Variants in WIPI2 observed in about 807,000 individuals in gnomAD.
The protein encoded by WIPI2 is WD repeat domain phosphoinositide-interacting protein 2.
In WIPI2, 28 loss-of-function variants were observed where a neutral mutation model predicts 52.3. The ratio of observed to expected loss-of-function variants is 0.54; its 90% CI spans 0.40 to 0.73. The LOEUF (loss-of-function observed/expected upper bound fraction) is 0.73. Among genes scored for constraint, WIPI2 ranks in the 30% least tolerant of loss-of-function variants. WIPI2 has a pLI of 0.00. For synonymous variants in WIPI2, 268 were observed against 245.0 expected (o/e 1.09, Z -0.88); for missense variants, 506 against 602.9 (o/e 0.84, Z 1.68).
chr7:5,217,238 G>GA, intron 6 of WIPI2, 51 bp downstream of exon 6: 1 of 1,586,806 alleles, frequency 6.3e-7, no homozygotes, highest in Non-Finnish European at 8.6e-7. Flanking sequence ...GCTTTTTCCT[G>GA]AAGAGGAGCA....
At chr7:5,191,495 A>G (rs1417052250) in intron 1 of WIPI2, among the ~76,000 whole-genome samples, 2 of 152,124 alleles carry the variant, frequency 1.3e-5, no homozygotes, top group Admixed American at 1.3e-4. Context: ...AGGGCAAGAG[A>G]AGGCCTTAAT....
chr7:5,221,609 G>A (rs978591866), intron 7 of WIPI2, among the ~76,000 whole-genome samples: 3 of 152,036 alleles, frequency 2.0e-5, no homozygotes, highest in Non-Finnish European at 4.4e-5. Flanking sequence ...TTTTCTTGGC[G>A]CTTCTCTGTT....
intron 3 of WIPI2, among the ~76,000 whole-genome samples, chr7:5,207,569 A>G (rs999565693): frequency 2.0e-5 from 3 of 152,148 alleles, no homozygotes; most frequent in Admixed American, 6.6e-5. Context: ...GCTATTATGA[A>G]CAAAGCTACC....
At chr7:5,206,951 G>A (rs907042337) in intron 3 of WIPI2, among the ~76,000 whole-genome samples, 11 of 151,974 alleles carry the variant, frequency 7.2e-5, no homozygotes, top group African/African-American at 2.7e-4. Flanking sequence ...CTAATTTTTC[G>A]ATTTTTTTGT....
At chr7:5,217,833 G>T in intron 6 of WIPI2, 89 bp from the exon 7 acceptor site, 1 of 1,261,250 alleles carries the variant, frequency 7.9e-7, no homozygotes, top group Non-Finnish European at 1.2e-6. Context: ...TTTAGGAACA[G>T]CTAATTGGCA....
At position 5,208,724 on chromosome 7, in the gene WIPI2, C is replaced by A. The variant is rs574832139; in HGVS notation, c.212-5811C>A. ...GCTTTGGTGCTTTACAGTCCTGTGA[C>A]CTGTGAGTCTGTTTCTGGACTCTTT... On this transcript the variant is annotated intron_variant, in intron 3 of 12. Coordinates refer to ENST00000288828, the MANE Select transcript of WIPI2 (RefSeq NM_015610.4). Among the ~76,000 whole-genome samples, 4 of 152,222 alleles carry A rather than the reference C, an allele frequency of 2.6e-5. No homozygotes were observed. The East Asian group carries it at 7.7e-4, about 29-fold the overall frequency.
At chr7:5,229,047 A>T (rs2115324100) in intron 11 of WIPI2, among the ~76,000 whole-genome samples, 1 of 147,146 alleles carries the variant, frequency 6.8e-6, no homozygotes, top group Non-Finnish European at 1.5e-5. Flanking sequence ...ATGGAGTCTC[A>T]CTCTGTCACC....
At chr7:5,223,467 A>C (rs1233364905) in intron 8 of WIPI2, among the ~76,000 whole-genome samples, 2 of 152,092 alleles carry the variant, frequency 1.3e-5, no homozygotes, top group African/African-American at 2.4e-5. Context: ...CAGTATCCCC[A>C]AACGTCACCG....
intron 1 of WIPI2, among the ~76,000 whole-genome samples, chr7:5,191,206 G>T (rs1282423535): frequency 6.6e-6 from 1 of 152,052 alleles, no homozygotes; most frequent in African/African-American, 2.4e-5. Flanking sequence ...ATTTGTAGTA[G>T]AGACAGGGTT....
chr7:5,207,014 A>G (rs1344476913), intron 3 of WIPI2, among the ~76,000 whole-genome samples: 3 of 152,280 alleles, frequency 2.0e-5, no homozygotes, highest in African/African-American at 7.2e-5. Flanking sequence ...CCTGGGCTCA[A>G]GTGATCCACA....
rs1783653464 is a variant in WIPI2 at position 5,230,038 on chromosome 7, G to A, written c.1252+300G>A. On this transcript the variant is annotated intron_variant, in intron 12 of 12. Transcript: ENST00000288828. The surrounding 1 kb of genome is among the most constrained non-coding windows in gnomAD (Gnocchi z 4.8). ...TTCTCCCGCCTCAGCCTCCCACAGT[G>A]CTGGGATTATAGGCATGAGCCACCG... is the stretch of plus-strand genomic sequence containing the variant. 6.6e-6 allele frequency among the ~76,000 whole-genome samples: 1 copy of A among 151,294 alleles called. No individual in the cohort carries two copies. Among genetic ancestry groups the A allele is most frequent in the African/African-American group, 2.4e-5 (1 of 41,102 alleles).
intron 11 of WIPI2, among the ~76,000 whole-genome samples, 186 bp downstream of exon 11, chr7:5,228,397 CAG>C (rs1340017065): frequency 1.6e-4 from 24 of 152,386 alleles, no homozygotes; most frequent in East Asian, 7.7e-4. Context: ...CGCCGCAAGA[CAG>C]GGAGCCCCGG....
intron 6 of WIPI2, 44 bp from the exon 7 acceptor site, chr7:5,217,878 G>T: frequency 1.3e-6 from 2 of 1,599,044 alleles, no homozygotes; most frequent in South Asian, 1.1e-5. Flanking sequence ...GGGCGTGGGC[G>T]GTCACTGTGC....
chr7:5,218,330 G>A (rs918823851), intron 7 of WIPI2: 14 of 257,164 alleles, frequency 5.4e-5, no homozygotes, highest in African/African-American at 2.9e-4. Context: ...CCACATAACA[G>A]TAAAGAACCC....
In WIPI2 at chr7:5,198,824, A is replaced by G. The variant is rs189734208; in HGVS notation, c.129-752A>G. Among the ~76,000 whole-genome samples the G allele has an allele frequency of 7.0e-4, 107 of 152,318 alleles. 1 individual carries two copies. Among genetic ancestry groups the G allele is most frequent in the East Asian group, 1.5e-3 (8 of 5,190 alleles). On this transcript the variant is annotated intron_variant, in intron 2 of 12. Transcript: ENST00000288828. ...AATTAAAATTGTATCTGTTGAAGGT[A>G]TACAGTGTGATGTTTTATATACACA...
chr7:5,221,328 C>T (rs565396292), intron 7 of WIPI2, among the ~76,000 whole-genome samples: 1 of 151,962 alleles, frequency 6.6e-6, no homozygotes, highest in Non-Finnish European at 1.5e-5. Context: ...AGGGTGGTCT[C>T]GAACTCCTCA....
chr7:5,202,906 A>G (rs1031521622), intron 3 of WIPI2, among the ~76,000 whole-genome samples: 6 of 152,252 alleles, frequency 3.9e-5, no homozygotes, highest in Non-Finnish European at 7.3e-5. Context: ...AAAGATCACA[A>G]AAGTTTAGAA....
chr7:5,196,539 C>T (rs1234654219), intron 2 of WIPI2, among the ~76,000 whole-genome samples: 1 of 152,090 alleles, frequency 6.6e-6, no homozygotes, highest in African/African-American at 2.4e-5. Context: ...AATATCTGAA[C>T]TTGATTGGCA....
chr7:5,231,040 G>C lies in WIPI2; in HGVS notation c.*93G>C. 9.9e-7 allele frequency: 1 copy of C among 1,013,318 alleles called. No homozygotes were observed. The highest frequency in any genetic ancestry group is 1.4e-6 in the Non-Finnish European group (1 of 713,236). The allele number at this position is 1,013,318 out of a possible 1,614,324, so 62.8% of individuals were successfully genotyped here. On this transcript the variant is annotated 3_prime_UTR_variant, in exon 13 of 13. Coordinates refer to ENST00000288828, the MANE Select transcript of WIPI2 (RefSeq NM_015610.4). Reference sequence around the variant, plus strand: ...TGCTATGAACTTTGACCTGAGTCGGGGGAGAGGATGGCAGAGACTTTATTA... The same window carrying C: ...TGCTATGAACTTTGACCTGAGTCGGCGGAGAGGATGGCAGAGACTTTATTA...
Sources: allele counts gnomAD v4.1 joint callset (sites outside exome capture counted in the v4.1 genomes callset), GRCh38; gene constraint gnomAD v4.1.1; non-coding constraint Gnocchi (gnomAD v3.1); transcripts MANE v1.5; gene names NCBI Gene and HGNC (gene_info 2026-07-23, HGNC 2026-07-21).